The following GK5 variants were observed in gnomAD, a reference collection of about 807,000 sequenced individuals.
GK5 encodes the protein glycerol kinase 5.
A neutral mutation model predicts 77.3 loss-of-function variants in GK5; 39 were observed. The ratio of observed to expected loss-of-function variants is 0.50; its 90% CI spans 0.39 to 0.66. The LOEUF is 0.66. Ranked by LOEUF, GK5 falls within the 30% of genes least tolerant of loss-of-function variation. GK5 has a pLI of 0.00. For synonymous variants in GK5, 211 were observed against 208.0 expected (o/e 1.01, Z -0.13); for missense variants, 487 against 633.8 (o/e 0.77, Z 2.49).
At chr3:142,177,656 G>A (rs2107770643) in intron 11 of GK5, 80 bp from the exon 12 acceptor site, 1 of 797,678 alleles carries the variant, frequency 1.3e-6, no homozygotes, top group Admixed American at 2.2e-5. Flanking sequence ...TATGTTACAT[G>A]ATAGTATTTA....
intron 9 of GK5, 117 bp from the exon 10 acceptor site, chr3:142,183,166 T>A: frequency 1.1e-6 from 1 of 948,802 alleles, no homozygotes; most frequent in Non-Finnish European, 1.5e-6. Flanking sequence ...TTTTTCCTTT[T>A]CCTTAAAATT....
rs376236000 is a variant in GK5 at position 142,165,650 on chromosome 3, C to T, written c.1562G>A (p.Arg521His). The T allele has an allele frequency of 2.6e-5, 42 of 1,611,046 alleles. No individual in the cohort carries two copies. Among genetic ancestry groups the T allele is most frequent in the Admixed American group, 8.4e-5 (5 of 59,220 alleles). ...SLENWAKAVK[R>H]SMNWYNKT The stretch of plus-strand genomic sequence containing the variant: ...TGTCTTGTTATACCAATTCATGGAG[C>T]GTTTCACTGCTTTGGCCCAGTTTTC... Residue 521 changes from arginine (R) to histidine (H), a missense_variant, in exon 16 of 16, where the codon CGC becomes CAC. Arg to His is a conservative substitution (Grantham distance 29). This residue lies in a region of GK5 where 65 missense variants were observed against 89.9 expected (regional missense o/e 0.72). Coordinates refer to ENST00000392993, the MANE Select transcript of GK5 (RefSeq NM_001039547.3).
At chr3:142,192,420 T>G (rs1200480882) in intron 5 of GK5, among the ~76,000 whole-genome samples, 1 of 152,152 alleles carries the variant, frequency 6.6e-6, no homozygotes, top group East Asian at 1.9e-4. Flanking sequence ...TGTATAGCAG[T>G]TTTATTCATA....
Position 142,211,507 on chromosome 3 carries a change from C to T in GK5, c.317+2019G>A, listed in dbSNP as rs887828823. On this transcript the variant is annotated intron_variant, in intron 3 of 15. Coordinates refer to ENST00000392993, the MANE Select transcript of GK5 (RefSeq NM_001039547.3). Reference sequence around the variant, plus strand: ...CAGCATGTCCTGAAAAAAAAGAGTACTGGGCCGAGCATGGTGGCTCACGCC... The same window carrying T: ...CAGCATGTCCTGAAAAAAAAGAGTATTGGGCCGAGCATGGTGGCTCACGCC... Among the ~76,000 whole-genome samples, 4 of 152,100 alleles carry T rather than the reference C, an allele frequency of 2.6e-5. No homozygotes were observed. The East Asian group carries it at 7.7e-4, about 29-fold the overall frequency.
intron 12 of GK5, chr3:142,173,325 T>C (rs1577107876): frequency 3.2e-6 from 1 of 308,174 alleles, no homozygotes; most frequent in African/African-American, 2.2e-5. Flanking sequence ...GAAGTATGTA[T>C]TAATCAGATG....
chr3:142,159,841 C>G lies in GK5; in HGVS notation c.*5781G>C, dbSNP rs5020036. On this transcript the variant is annotated 3_prime_UTR_variant, in exon 16 of 16. Coordinates refer to ENST00000392993, the MANE Select transcript of GK5 (RefSeq NM_001039547.3). ...TATGTTTGGGGCTTTCTCTCTCTCT[C>G]TCTCTCTCTCTCTTTTTTTTTTTTG... The G allele has an allele frequency of 5.3e-5, 6 of 113,458 alleles. No homozygotes were observed. In the South Asian group the frequency reaches 1.2e-3, roughly 23 times the overall value. The allele number at this position is 113,458 out of a possible 1,614,324, so 7.0% of individuals were successfully genotyped here. A position where few individuals can be genotyped will look rare whatever the true frequency, so the allele number is the denominator to read the frequency against.
intron 5 of GK5, among the ~76,000 whole-genome samples, chr3:142,188,426 T>A (rs2063804282): frequency 6.6e-6 from 1 of 151,978 alleles, no homozygotes; most frequent in South Asian, 2.1e-4. Flanking sequence ...TCCCGCTACT[T>A]GGGAGGCTGA....
At chr3:142,180,570 G>A (rs895537153) in intron 11 of GK5, among the ~76,000 whole-genome samples, 2 of 152,120 alleles carry the variant, frequency 1.3e-5, no homozygotes, top group Admixed American at 6.5e-5. Context: ...GCAAAGTGCT[G>A]GGATTACAGG....
intron 4 of GK5, among the ~76,000 whole-genome samples, chr3:142,202,239 T>C (rs1261846006): frequency 6.6e-6 from 1 of 152,110 alleles, no homozygotes; most frequent in Non-Finnish European, 1.5e-5. Flanking sequence ...AAGAAAGCCT[T>C]AGCCATCATC....
rs1478965426 is a variant in GK5 at position 142,225,351 on chromosome 3, G to A, written c.105C>T (p.Val35=). 6.4e-7 allele frequency: 1 copy of A among 1,573,144 alleles called. No homozygotes were observed. The highest frequency in any genetic ancestry group is 1.2e-5 in the South Asian group (1 of 85,412). Residue 35 remains valine, a synonymous_variant, in exon 1 of 16, where the codon GTC becomes GTT. Coordinates refer to ENST00000392993, the MANE Select transcript of GK5 (RefSeq NM_001039547.3). The stretch of plus-strand genomic sequence containing the variant: ...CGCAGACCCGCGCCGCCCGGTCATA[G>A]ACGTGGCAGCGGATCACAGAACTGC... ...DVGSSVIRCH[V]YDRAARVCGS...
intron 3 of GK5, among the ~76,000 whole-genome samples, chr3:142,206,886 C>T (rs780012833): frequency 3.4e-4 from 51 of 152,166 alleles, no homozygotes; most frequent in African/African-American, 8.9e-4. Context: ...TCAATCCAAT[C>T]GTGATCAGCA....
In GK5 at chr3:142,181,461, C is replaced by G; in HGVS notation, c.1048G>C (p.Asp350His). The G allele has an allele frequency of 6.3e-7, 1 of 1,591,018 alleles. No homozygotes were observed. Among genetic ancestry groups the G allele is most frequent in the Non-Finnish European group, 8.6e-7 (1 of 1,163,916 alleles). The change falls in exon 11 of 16, where the codon GAC becomes CAC. Residue 350 changes from aspartate to histidine, a missense_variant and splice_region_variant. Asp to His is a moderately conservative substitution (Grantham distance 81). Coordinates refer to ENST00000392993, the MANE Select transcript of GK5 (RefSeq NM_001039547.3). ...GTAIKWAQQL[D>H]LFTDAAETEK... ...GAAATCCATTTAAAAGACAACTTAC[C>G]TAACTGCTGAGCCCATTTTATGGCA...
intron 9 of GK5, among the ~76,000 whole-genome samples, chr3:142,183,691 A>C (rs1051738464): frequency 1.1e-4 from 16 of 151,882 alleles, no homozygotes; most frequent in African/African-American, 3.9e-4. Context: ...GGTGGTCTCG[A>C]TCTCTTGATC....
intron 12 of GK5, among the ~76,000 whole-genome samples, chr3:142,175,361 A>G (rs932425465): frequency 6.6e-6 from 1 of 152,186 alleles, no homozygotes; most frequent in African/African-American, 2.4e-5. Flanking sequence ...CTCAAAGCTC[A>G]CCCAGTACCC....
intron 1 of GK5, among the ~76,000 whole-genome samples, chr3:142,222,361 C>T (rs974140394): frequency 2.6e-5 from 4 of 151,998 alleles, no homozygotes; most frequent in Admixed American, 6.6e-5. Flanking sequence ...GTCAGGATAT[C>T]GAGACCACCC....
chr3:142,159,847 C>CTTTTTTTTTTTTTTTTTTTTTTTTTT lies in GK5; in HGVS notation c.*5774_*5775insAAAAAAAAAAAAAAAAAAAAAAAAAA, dbSNP rs1407448771. 6.8e-5 allele frequency: 7 copies of CTTTTTTTTTTTTTTTTTTTTTTTTTT among 103,150 alleles called. No individual in the cohort carries two copies. Among genetic ancestry groups the CTTTTTTTTTTTTTTTTTTTTTTTTTT allele is most frequent in the African/African-American group, 2.8e-4 (7 of 25,144 alleles). 6.4% of individuals were successfully genotyped at this position (103,150 alleles called of 1,614,324 possible). On this transcript the variant is annotated 3_prime_UTR_variant, in exon 16 of 16. Coordinates refer to ENST00000392993, the MANE Select transcript of GK5 (RefSeq NM_001039547.3). ...TGGGGCTTTCTCTCTCTCTCTCTCT[C>CTTTTTTTTTTTTTTTTTTTTTTTTTT]TCTCTCTTTTTTTTTTTTGAGACAG...
chr3:142,222,628 C>A (rs2064368026), intron 1 of GK5, among the ~76,000 whole-genome samples: 1 of 151,868 alleles, frequency 6.6e-6, no homozygotes, highest in Non-Finnish European at 1.5e-5. Context: ...AGTTTCTAGT[C>A]CTAGTGCAGT....
chr3:142,178,028 T>C (rs1196393610), intron 11 of GK5, among the ~76,000 whole-genome samples: 2 of 151,994 alleles, frequency 1.3e-5, no homozygotes, highest in Non-Finnish European at 2.9e-5. Flanking sequence ...CCAGCTAATT[T>C]TGTATTTTTA....
chr3:142,216,521 G>T (rs1049130847), intron 1 of GK5, among the ~76,000 whole-genome samples: 1 of 152,032 alleles, frequency 6.6e-6, no homozygotes, highest in African/African-American at 2.4e-5. Context: ...AAGAGGGTGT[G>T]GTCAACCCCT....
Sources: gnomAD v4.1 joint callset for allele counts (sites outside exome capture counted in the v4.1 genomes callset) on GRCh38, gnomAD v4.1.1 for gene constraint, gnomAD v4.1.1 regional missense constraint, MANE v1.5 for transcripts, NCBI Gene and HGNC (gene_info 2026-07-23, HGNC 2026-07-21) for gene names.